Variants in ADGRL1 observed in about 807,000 individuals in gnomAD.
ADGRL1 encodes the protein CIRL-1.
A neutral mutation model predicts 148.9 loss-of-function variants in ADGRL1; 31 were observed. The ratio of observed to expected loss-of-function variants is 0.21; its 90% CI spans 0.16 to 0.28. ADGRL1 has a LOEUF of 0.28. ADGRL1 is among the 10% of genes least tolerant of loss of function. ADGRL1 has a pLI of 1.00. For synonymous variants in ADGRL1, 937 were observed against 900.3 expected, an observed-to-expected ratio of 1.04 and a Z score of -0.73; for missense variants, 1,521 against 2,058.8, an observed-to-expected ratio of 0.74 and a Z score of 5.05.
intron 1 of ADGRL1, among the ~76,000 whole-genome samples, chr19:14,200,987 C>G (rs374754916): frequency 2.6e-5 from 4 of 152,190 alleles, no homozygotes; most frequent in African/African-American, 9.7e-5. Context: ...GTATGTTTAG[C>G]AATGTCTGGA....
rs988938525 is a variant in ADGRL1, at chr19:14,149,512, G to A, written c.*1361C>T. On this transcript the variant is annotated 3_prime_UTR_variant, in exon 23 of 23. Coordinates refer to ENST00000361434, the MANE Select transcript of ADGRL1 (RefSeq NM_014921.5). ...CCCCAGAGCAATATACAAGAAGCAG[G>A]AACTCAAAGGGACAGCGCAGCCATC... 6.5e-6 allele frequency: 1 copy of A among 152,742 alleles called. No individual in the cohort carries two copies. The highest frequency in any genetic ancestry group is 2.4e-5 in the African/African-American group (1 of 41,436). The allele number at this position is 152,742 out of a possible 1,614,324, so 9.5% of individuals were successfully genotyped here. A position where few individuals can be genotyped will look rare whatever the true frequency, so the allele number is the denominator to read the frequency against.
At position 14,159,311 on chromosome 19, in the gene ADGRL1, G is replaced by T; in HGVS notation, c.2023+90C>A. The T allele has an allele frequency of 6.4e-7, 1 of 1,574,580 alleles. No individual in the cohort carries two copies. Among genetic ancestry groups the T allele is most frequent in the Non-Finnish European group, 8.6e-7 (1 of 1,156,284 alleles). On this transcript the variant is annotated intron_variant, in intron 10 of 22. Transcript: ENST00000361434. This position sits in a 1 kb window ranked among gnomAD's most constrained non-coding sequence, Gnocchi z 6.0. ...AACGAGACTCTGGCAAGATGCCCAA[G>T]GGTCGGATAGCCCCCCTGTGGCCTC...
chr19:14,153,973 A>G (rs549662303), intron 18 of ADGRL1, among the ~76,000 whole-genome samples: 77 of 151,672 alleles, frequency 5.1e-4, no homozygotes, highest in Non-Finnish European at 9.6e-4. Flanking sequence ...AAAAAACCTA[A>G]AAAAATAAAT....
intron 3 of ADGRL1, chr19:14,171,094 A>C (rs936376146): frequency 2.2e-5 from 6 of 266,782 alleles, no homozygotes; most frequent in Admixed American, 4.9e-5. Context: ...AGTGTGTAGC[A>C]CCTCCCCTGT....
rs765276771 is a variant in ADGRL1, at chr19:14,160,073, C to G, written c.1800+39G>C. On this transcript the variant is annotated intron_variant, in intron 8 of 22. Transcript: ENST00000361434. The surrounding 1 kb of genome is among the most constrained non-coding windows in gnomAD (Gnocchi z 5.9). ...CTTCCCAAGCCCCTGGGGGCAGGCG[C>G]CCTCCCCATACCAGGTCAGCGCCAC... 2 of 1,536,334 alleles carry G rather than the reference C, an allele frequency of 1.3e-6. No individual in the cohort carries two copies. The highest frequency in any genetic ancestry group is 1.4e-5 in the African/African-American group (1 of 73,334).
rs1314211858 is a variant in ADGRL1, at chr19:14,184,633, TA to T, written c.-95-937del. ...TTATTTATTTATTTATTTATTTATT[TA>T]TTTATTTATTTATTTTTTTTTCTGA... On this transcript the variant is annotated intron_variant, in intron 1 of 22. Transcript: ENST00000361434. 6.2e-3 allele frequency among the ~76,000 whole-genome samples: 816 copies of T among 131,078 alleles called. 14 individuals carry two copies. Among genetic ancestry groups the T allele is most frequent in the African/African-American group, 0.025 (735 of 29,606 alleles). The allele number at this position is 131,078 out of a possible 152,430, so 86.0% of individuals were successfully genotyped here. A position where few individuals can be genotyped will look rare whatever the true frequency, so the allele number is the denominator to read the frequency against.
At chr19:14,185,731 T>C (rs1052381445) in intron 1 of ADGRL1, among the ~76,000 whole-genome samples, 3 of 152,224 alleles carry the variant, frequency 2.0e-5, no homozygotes, top group African/African-American at 7.2e-5. Context: ...TTCAAATCTC[T>C]TATGTCCAGC....
chr19:14,173,655 T>C (rs1477158461), intron 3 of ADGRL1, among the ~76,000 whole-genome samples: 3 of 151,908 alleles, frequency 2.0e-5, no homozygotes, highest in Non-Finnish European at 4.4e-5. Flanking sequence ...CACCAACAAA[T>C]GAACAGCTAG....
At position 14,160,088 on chromosome 19, in the gene ADGRL1, G is replaced by A; in HGVS notation, c.1800+24C>T. ...GGGGCAGGCGCCCTCCCCATACCAG[G>A]TCAGCGCCACCGCCAGGCCCCACCT... On this transcript the variant is annotated intron_variant, in intron 8 of 22. Coordinates refer to ENST00000361434, the MANE Select transcript of ADGRL1 (RefSeq NM_014921.5). This position sits in a 1 kb window ranked among gnomAD's most constrained non-coding sequence, Gnocchi z 5.9. 1 of 1,558,476 alleles carries A rather than the reference G, an allele frequency of 6.4e-7. No individual in the cohort carries two copies. Among genetic ancestry groups the A allele is most frequent in the Non-Finnish European group, 8.7e-7 (1 of 1,145,324 alleles).
chr19:14,184,630 A>ATTTTTTTTTT, intron 1 of ADGRL1, among the ~76,000 whole-genome samples: 1 of 88,502 alleles, frequency 1.1e-5, no homozygotes, highest in Admixed American at 1.1e-4. Context: ...TTATTTATTT[A>ATTTTTTTTTT]TTTATTTATT....
chr19:14,176,586 C>T (rs1970842846), intron 3 of ADGRL1, among the ~76,000 whole-genome samples: 1 of 151,984 alleles, frequency 6.6e-6, no homozygotes. Context: ...CCTGTCATCC[C>T]AGCGCTTTGA....
chr19:14,156,218 G>C lies in ADGRL1; in HGVS notation c.3034-17C>G, dbSNP rs1466200071. 6.9e-6 allele frequency: 11 copies of C among 1,593,332 alleles called. No homozygotes were observed. Among genetic ancestry groups the C allele is most frequent in the Non-Finnish European group, 9.4e-6 (11 of 1,164,418 alleles). On this transcript the variant is annotated splice_polypyrimidine_tract_variant and intron_variant, in intron 16 of 22. Transcript: ENST00000361434. ...CAGGTTGACCTGGGGGCGGGACAAG[G>C]GGCAGGCTGGGCTGAGAGTGGCCCT...
At chr19:14,196,313 G>A (rs1972260727) in intron 1 of ADGRL1, among the ~76,000 whole-genome samples, 1 of 152,212 alleles carries the variant, frequency 6.6e-6, no homozygotes, top group Non-Finnish European at 1.5e-5. Flanking sequence ...GCCAAAGTCT[G>A]TATCATACAA....
rs1054494005 is a variant in ADGRL1, at chr19:14,149,920, TTC to T, written c.*951_*952del. ...TTCAAGTGATGAGATTTTTTTTCTT[TTC>T]TTTTTTTTTTTTTTTGTCTTTTTTT... On this transcript the variant is annotated 3_prime_UTR_variant, in exon 23 of 23. Coordinates refer to ENST00000361434, the MANE Select transcript of ADGRL1 (RefSeq NM_014921.5). 3.4e-5 allele frequency: 5 copies of T among 145,656 alleles called. No individual in the cohort carries two copies. Among genetic ancestry groups the T allele is most frequent in the Non-Finnish European group, 6.1e-5 (4 of 65,640 alleles). 9.0% of individuals were successfully genotyped at this position (145,656 alleles called of 1,614,324 possible).
chr19:14,167,143 C>G, intron 4 of ADGRL1: 1 of 929,326 alleles, frequency 1.1e-6, no homozygotes, highest in Non-Finnish European at 1.7e-6. Flanking sequence ...TGGCAACACG[C>G]CCCCTTTTCC....
intron 1 of ADGRL1, among the ~76,000 whole-genome samples, chr19:14,193,148 A>G (rs1972047722): frequency 6.6e-6 from 1 of 151,930 alleles, no homozygotes; most frequent in Non-Finnish European, 1.5e-5. Flanking sequence ...AGGAAGCTCC[A>G]GACACCCCCA....
chr19:14,157,027 T>C lies in ADGRL1; in HGVS notation c.2864A>G (p.Tyr955Cys). The change falls in exon 15 of 23, where the codon TAT becomes TGT. Residue 955 changes from tyrosine (Y) to cysteine (C), a missense_variant. Coordinates refer to ENST00000361434, the MANE Select transcript of ADGRL1 (RefSeq NM_014921.5). The surrounding 1 kb of genome is among the most constrained non-coding windows in gnomAD (Gnocchi z 7.5). ...CAGGTAGTAGTACTTGGTGCGGGAATACTCGCTCTCAAACACCTCCACTAG... is the reference window on the plus strand; with the variant it reads ...CAGGTAGTAGTACTTGGTGCGGGAACACTCGCTCTCAAACACCTCCACTAG... ...LLLVEVFESE[Y>C]SRTKYYYLGG... 1.9e-6 allele frequency: 3 copies of C among 1,613,910 alleles called. No homozygotes were observed. Among genetic ancestry groups the C allele is most frequent in the Non-Finnish European group, 2.5e-6 (3 of 1,179,948 alleles).
chr19:14,197,102 GTC>G (rs1485678443), intron 1 of ADGRL1, among the ~76,000 whole-genome samples: 2 of 152,016 alleles, frequency 1.3e-5, no homozygotes, highest in Admixed American at 1.3e-4. Flanking sequence ...GTGAGATCCT[GTC>G]TCTACAAAAA....
rs572448087 is a variant in ADGRL1, at chr19:14,193,196, C to T, written c.-95-9499G>A. Among the ~76,000 whole-genome samples the T allele has an allele frequency of 2.5e-3, 373 of 147,992 alleles. 1 individual carries two copies. The highest frequency in any genetic ancestry group is 4.7e-3 in the Non-Finnish European group (317 of 67,440). ...AGCTTGGCAGGTGGTGGGTGTCCCC[C>T]GGGAGACCCAGGCCTGACCATCCCT... is the stretch of plus-strand genomic sequence containing the variant. On this transcript the variant is annotated intron_variant, in intron 1 of 22. Coordinates refer to ENST00000361434, the MANE Select transcript of ADGRL1 (RefSeq NM_014921.5).
Sources: allele counts gnomAD v4.1 joint callset (sites outside exome capture counted in the v4.1 genomes callset), GRCh38; gene constraint gnomAD v4.1.1; non-coding constraint Gnocchi (gnomAD v3.1); transcripts MANE v1.5; gene names NCBI Gene and HGNC (gene_info 2026-07-23, HGNC 2026-07-21).